NHLRC2: variants seen among roughly 807,000 people sequenced by gnomAD.
NHLRC2 encodes NHL repeat-containing protein 2.
NHLRC2 carries 33 observed loss-of-function variants against 68.1 expected under a neutral mutation model. The ratio of observed to expected loss-of-function variants is 0.48; its 90% CI spans 0.37 to 0.65. The LOEUF (loss-of-function observed/expected upper bound fraction) is 0.65, where lower values mean the gene tolerates loss of function less well. Among genes scored for constraint, NHLRC2 ranks in the 30% least tolerant of loss-of-function variants. The pLI, the probability that NHLRC2 is intolerant of heterozygous loss-of-function variation, is 0.00. For missense variants in NHLRC2, 761 were observed against 853.8 expected (o/e 0.89, Z 1.35); for synonymous variants, 311 against 309.6 (o/e 1.00, Z -0.05).
chr10:113,895,692 A>G (rs1846169565), intron 5 of NHLRC2, among the ~76,000 whole-genome samples: 1 of 152,116 alleles, frequency 6.6e-6, no homozygotes, highest in South Asian at 2.1e-4. Flanking sequence ...GAGAGTGATG[A>G]TGTGCTCATT....
chr10:113,857,305 A>G (rs558225996), intron 1 of NHLRC2, among the ~76,000 whole-genome samples: 2 of 152,262 alleles, frequency 1.3e-5, no homozygotes, highest in South Asian at 2.1e-4. Context: ...AGGATATGAA[A>G]TATACATTAA....
chr10:113,870,291 G>T (rs1158085593), intron 2 of NHLRC2, among the ~76,000 whole-genome samples: 1 of 152,168 alleles, frequency 6.6e-6, no homozygotes, highest in Non-Finnish European at 1.5e-5. Context: ...GGATGAAACA[G>T]ATATTCATTC....
chr10:113,879,242 A>G (rs1846014699), intron 3 of NHLRC2, among the ~76,000 whole-genome samples: 1 of 152,280 alleles, frequency 6.6e-6, no homozygotes, highest in South Asian at 2.1e-4. Flanking sequence ...CAAGGAGCAT[A>G]TCTTTCAAAA....
intron 3 of NHLRC2, 88 bp downstream of exon 3, chr10:113,877,064 G>T: frequency 1.3e-6 from 1 of 779,558 alleles, no homozygotes. Flanking sequence ...ATGTCTAAAT[G>T]AAAACTAATT....
chr10:113,871,166 G>A (rs1424114748), intron 2 of NHLRC2, among the ~76,000 whole-genome samples: 2 of 151,468 alleles, frequency 1.3e-5, no homozygotes, highest in African/African-American at 4.8e-5. Flanking sequence ...CTGGGATTAC[G>A]TGGATGTGCC....
chr10:113,865,911 T>A (rs1019280193), intron 2 of NHLRC2, among the ~76,000 whole-genome samples: 5 of 152,232 alleles, frequency 3.3e-5, no homozygotes, highest in African/African-American at 1.2e-4. Flanking sequence ...TTAAATATCT[T>A]CTCCCATTAC....
At chr10:113,870,883 G>A (rs999706568) in intron 2 of NHLRC2, among the ~76,000 whole-genome samples, 1 of 151,722 alleles carries the variant, frequency 6.6e-6, no homozygotes, top group African/African-American at 2.4e-5. Flanking sequence ...TTTTGAGTTG[G>A]GTTAATCTTA....
intron 5 of NHLRC2, among the ~76,000 whole-genome samples, chr10:113,896,533 G>A (rs904299121): frequency 8.8e-6 from 1 of 113,060 alleles, no homozygotes; most frequent in African/African-American, 3.3e-5. Context: ...GGGGGAGGGG[G>A]GAGGGATAGC....
Position 113,904,996 on chromosome 10 carries a change from A to G in NHLRC2, c.1884A>G (p.Leu628=). ...TAGACCTCCCATCAGGATCAAAGCT[A>G]ACTGAAGGAGTATCCAGTTGCTGGT... The part of the protein sequence containing the change: ...LRLDLPSGSK[L]TEGVSSCWFL... The change falls in exon 10 of 11, where the codon CTA becomes CTG. Residue 628 remains leucine, a synonymous_variant. Coordinates refer to ENST00000369301, the MANE Select transcript of NHLRC2 (RefSeq NM_198514.4). 1 of 1,546,498 alleles carries G rather than the reference A, an allele frequency of 6.5e-7. No homozygotes were observed. Among genetic ancestry groups the G allele is most frequent in the Non-Finnish European group, 8.7e-7 (1 of 1,150,848 alleles).
intron 6 of NHLRC2, 110 bp downstream of exon 6, chr10:113,898,319 C>A: frequency 1.5e-6 from 1 of 647,506 alleles, no homozygotes; most frequent in Non-Finnish European, 2.8e-6. Flanking sequence ...CTAGGTTGTA[C>A]TGCCATAGCA....
At chr10:113,868,648 A>G (rs949566632) in intron 2 of NHLRC2, among the ~76,000 whole-genome samples, 30 of 152,204 alleles carry the variant, frequency 2.0e-4, no homozygotes, top group African/African-American at 6.8e-4. Context: ...GACCTATGTA[A>G]TTAGTAGGCA....
At chr10:113,878,481 G>C (rs1039137425) in intron 3 of NHLRC2, among the ~76,000 whole-genome samples, 6 of 152,122 alleles carry the variant, frequency 3.9e-5, no homozygotes, top group African/African-American at 7.2e-5. Context: ...TCACCAGCTA[G>C]AAAGAGACAG....
At chr10:113,889,748 C>T (rs1043666123) in intron 5 of NHLRC2, among the ~76,000 whole-genome samples, 6 of 152,158 alleles carry the variant, frequency 3.9e-5, no homozygotes, top group Non-Finnish European at 7.3e-5. Flanking sequence ...TCACCACACT[C>T]ACTGCAGCAA....
chr10:113,871,064 GCCCAGGCTAGAGTA>G (rs1845919961), intron 2 of NHLRC2, among the ~76,000 whole-genome samples: 1 of 40,142 alleles, frequency 2.5e-5, no homozygotes, highest in Admixed American at 3.9e-4. Context: ...TGTTCTTATT[GCCCAGGCTAGAGTA>G]CAGTGGCGTG....
intron 2 of NHLRC2, among the ~76,000 whole-genome samples, chr10:113,875,717 G>A (rs914882222): frequency 1.3e-5 from 2 of 152,048 alleles, no homozygotes; most frequent in African/African-American, 4.8e-5. Context: ...GTTTTGATTC[G>A]GAATTGATAG....
rs1460820419 is a variant in NHLRC2, at chr10:113,912,635, G to A, written c.*4099G>A. 1 of 152,094 alleles carries A rather than the reference G, an allele frequency of 6.6e-6. No individual in the cohort carries two copies. Among genetic ancestry groups the A allele is most frequent in the Admixed American group, 6.5e-5 (1 of 15,268 alleles). The allele number at this position is 152,094 out of a possible 1,614,324, so 9.4% of individuals were successfully genotyped here. On this transcript the variant is annotated 3_prime_UTR_variant, in exon 11 of 11. Coordinates refer to ENST00000369301, the MANE Select transcript of NHLRC2 (RefSeq NM_198514.4). ...AACCAAAAAGTTTCACTTCAATGGT[G>A]GTGCTTCACAAAATCTTCAAAGTGC...
chr10:113,899,393 G>A (rs879796913), intron 6 of NHLRC2, among the ~76,000 whole-genome samples: 1 of 152,188 alleles, frequency 6.6e-6, no homozygotes, highest in Non-Finnish European at 1.5e-5. Flanking sequence ...CTTCAAAATA[G>A]CAGATATTCC....
intron 2 of NHLRC2, among the ~76,000 whole-genome samples, chr10:113,860,571 C>T (rs886816925): frequency 1.3e-5 from 2 of 151,794 alleles, no homozygotes; most frequent in Non-Finnish European, 2.9e-5. Context: ...AAAAATAAAC[C>T]GATAGAAATT....
chr10:113,902,443 GTTTCT>G (rs765678700), intron 7 of NHLRC2, 23 bp from the exon 8 acceptor site: 15 of 1,446,796 alleles, frequency 1.0e-5, no homozygotes, highest in East Asian at 2.3e-5. Context: ...AATAACTGCT[GTTTCT>G]TTTCTTTTAA....
Sources: gnomAD v4.1 joint callset for allele counts (sites outside exome capture counted in the v4.1 genomes callset) on GRCh38, gnomAD v4.1.1 for gene constraint, MANE v1.5 for transcripts, NCBI Gene and HGNC (gene_info 2026-07-23, HGNC 2026-07-21) for gene names.